The following TENM2 variants were observed in gnomAD, a reference collection of about 807,000 sequenced individuals.
TENM2 encodes teneurin transmembrane protein 2.
TENM2 carries 52 observed loss-of-function variants against 245.2 expected under a neutral mutation model. The observed-to-expected ratio is 0.21, with a 90% CI of 0.17 to 0.27. TENM2 has a LOEUF of 0.27. Ranked by LOEUF, TENM2 falls within the 10% of genes least tolerant of loss-of-function variation. The pLI is 1.00. For synonymous variants in TENM2, 1,363 were observed against 1,438.9 expected (o/e 0.95, Z 1.19); for missense variants, 3,046 against 3,666.8 (o/e 0.83, Z 4.37).
At chr5:167,393,649 G>T (rs948168192) in intron 2 of TENM2, among the ~76,000 whole-genome samples, 4 of 152,186 alleles carry the variant, frequency 2.6e-5, no homozygotes, top group Non-Finnish European at 5.9e-5. Context: ...GGTGGCCTTT[G>T]CTCTGAGGGA....
intron 2 of TENM2, among the ~76,000 whole-genome samples, chr5:167,466,848 C>CACTTATTAGTACTTATACACA (rs1766687967): frequency 6.6e-6 from 1 of 152,102 alleles, no homozygotes; most frequent in Admixed American, 6.5e-5. Flanking sequence ...GGTCTCCCCA[C>CACTTATTAGTACTTATACACA]GTACTAATAC....
chr5:168,217,465 C>A (rs544291163), intron 22 of TENM2, among the ~76,000 whole-genome samples: 1 of 152,326 alleles, frequency 6.6e-6, no homozygotes, highest in Non-Finnish European at 1.5e-5. Flanking sequence ...CTGGAATATA[C>A]GTTCAGCCTT....
intron 2 of TENM2, among the ~76,000 whole-genome samples, chr5:167,531,388 T>A (rs1771487240): frequency 6.6e-6 from 1 of 152,226 alleles, no homozygotes; most frequent in South Asian, 2.1e-4. Flanking sequence ...TAATTAAAAT[T>A]GTATCTATTT....
intron 5 of TENM2, among the ~76,000 whole-genome samples, chr5:167,999,463 A>T (rs116608460): frequency 0.027 from 4,139 of 152,304 alleles, 197 homozygotes; most frequent in African/African-American, 0.093. Flanking sequence ...AGTCTTTGGC[A>T]GGGGGACTGC....
intron 2 of TENM2, among the ~76,000 whole-genome samples, chr5:167,599,866 G>T (rs933263550): frequency 6.6e-6 from 1 of 151,970 alleles, no homozygotes; most frequent in African/African-American, 2.4e-5. Flanking sequence ...AGGTTTCATG[G>T]CTGGGCGCGG....
chr5:167,464,625 G>A (rs985127120), intron 2 of TENM2, among the ~76,000 whole-genome samples: 13 of 152,224 alleles, frequency 8.5e-5, no homozygotes, highest in African/African-American at 2.9e-4. Flanking sequence ...CATTAAGGGT[G>A]AAGAGCTATA....
intron 2 of TENM2, among the ~76,000 whole-genome samples, chr5:167,610,321 A>G (rs1384533789): frequency 2.0e-5 from 3 of 152,092 alleles, no homozygotes; most frequent in Non-Finnish European, 4.4e-5. Context: ...TGGAGGCTTC[A>G]TTATGTAGGC....
At chr5:167,394,014 A>G (rs1171620209) in intron 2 of TENM2, among the ~76,000 whole-genome samples, 3 of 152,150 alleles carry the variant, frequency 2.0e-5, no homozygotes, top group Non-Finnish European at 2.9e-5. Context: ...CTCCTTATAT[A>G]TTTTGGATAT....
chr5:167,251,452 A>G, the TENM2 span, among the ~76,000 whole-genome samples: 1 of 152,162 alleles, frequency 6.6e-6, no homozygotes, highest in Non-Finnish European at 1.5e-5. Context: ...TTTAGATAAT[A>G]TTTTAATGTC....
At chr5:167,462,232 G>C (rs1237033120) in intron 2 of TENM2, among the ~76,000 whole-genome samples, 1 of 122,614 alleles carries the variant, frequency 8.2e-6, no homozygotes, top group Non-Finnish European at 1.6e-5. Flanking sequence ...TTGTCTGTTT[G>C]GCTGTTGTGC....
intron 2 of TENM2, among the ~76,000 whole-genome samples, chr5:167,550,707 T>C (rs1287370846): frequency 1.3e-5 from 1 of 77,652 alleles, no homozygotes; most frequent in East Asian, 3.7e-4. Context: ...TTAGTGTGTG[T>C]GTGTGTGTGT....
chr5:167,249,535 C>T, the TENM2 span, among the ~76,000 whole-genome samples: 1 of 152,290 alleles, frequency 6.6e-6, no homozygotes, highest in East Asian at 1.9e-4. Flanking sequence ...TATCCACCTA[C>T]TCTGTGCCAG....
the TENM2 span, among the ~76,000 whole-genome samples, chr5:167,157,606 T>C: frequency 6.6e-6 from 1 of 152,182 alleles, no homozygotes. Flanking sequence ...GAGGAAGATA[T>C]TTTTATATCT....
intron 5 of TENM2, among the ~76,000 whole-genome samples, chr5:168,042,149 T>C (rs1581142657): frequency 6.6e-6 from 1 of 152,258 alleles, no homozygotes; most frequent in East Asian, 1.9e-4. Context: ...CCATCATCTC[T>C]AAGGCCCTTG....
At chr5:168,219,289 T>C (rs1478697203) in intron 23 of TENM2, among the ~76,000 whole-genome samples, 1 of 152,110 alleles carries the variant, frequency 6.6e-6, no homozygotes, top group South Asian at 2.1e-4. Flanking sequence ...GGAGGTAAAA[T>C]GTTGATTAAC....
intron 3 of TENM2, among the ~76,000 whole-genome samples, chr5:167,906,163 G>A (rs754424719): frequency 5.3e-5 from 8 of 152,166 alleles, no homozygotes; most frequent in Non-Finnish European, 1.2e-4. Context: ...CTACAAGGAG[G>A]CAGCCAGGAG....
intron 25 of TENM2, 118 bp downstream of exon 27, chr5:168,228,248 A>G (rs1764424773): frequency 1.2e-6 from 1 of 806,788 alleles, no homozygotes; most frequent in Non-Finnish European, 2.0e-6. Flanking sequence ...CTTTCCTCAC[A>G]GAGCTGAGAA....
At chr5:167,948,287 C>T (rs1164435930) in intron 3 of TENM2, among the ~76,000 whole-genome samples, 3 of 152,172 alleles carry the variant, frequency 2.0e-5, no homozygotes, top group Non-Finnish European at 2.9e-5. Context: ...CACTGCCAAC[C>T]GGTAGGCATT....
At chr5:168,147,452 G>A (rs1756200332) in intron 12 of TENM2, among the ~76,000 whole-genome samples, 1 of 152,174 alleles carries the variant, frequency 6.6e-6, no homozygotes, top group Admixed American at 6.5e-5. Flanking sequence ...AATAAACATT[G>A]CAGCTTTCTA....
Sources: allele counts gnomAD v4.1 joint callset (sites outside exome capture counted in the v4.1 genomes callset), GRCh38; gene constraint gnomAD v4.1.1; transcripts MANE v1.5; gene names NCBI Gene and HGNC (gene_info 2026-07-23, HGNC 2026-07-21).